Variants in ACVR2A observed in about 807,000 individuals in gnomAD.
The protein encoded by ACVR2A is activin A receptor type 2A, also known as activin receptor type-2A.
Under a neutral mutation model 61.4 loss-of-function variants are expected in ACVR2A, and 7 were observed. The observed-to-expected ratio is 0.11, with a 90% CI of 0.06 to 0.21. The LOEUF (loss-of-function observed/expected upper bound fraction) is 0.21. Among genes scored for constraint, ACVR2A ranks in the 10% least tolerant of loss-of-function variants. The probability of loss-of-function intolerance (pLI) is 1.00; values close to 1 mark genes in which losing one functional copy is unlikely to be tolerated. For synonymous variants in ACVR2A, 193 were observed against 208.3 expected (o/e 0.93, Z 0.63); for missense variants, 322 against 621.7 (o/e 0.52, Z 5.13).
In ACVR2A at chr2:147,896,292, A is replaced by T; in HGVS notation, c.56-9A>T. ...ATGTGGTTATATTATTGTTTTTATT[A>T]TCTTATAGGTGCTATACTTGGTAGA... On this transcript the variant is annotated splice_polypyrimidine_tract_variant and intron_variant, in intron 1 of 10. Transcript: ENST00000241416. 1 of 1,605,086 alleles carries T rather than the reference A, an allele frequency of 6.2e-7. No individual in the cohort carries two copies. The highest frequency in any genetic ancestry group is 8.5e-7 in the Non-Finnish European group (1 of 1,173,578).
intron 1 of ACVR2A, among the ~76,000 whole-genome samples, chr2:147,854,063 G>C (rs1685508331): frequency 6.6e-6 from 1 of 152,138 alleles, no homozygotes; most frequent in Admixed American, 6.5e-5. Flanking sequence ...GATATGGTAT[G>C]TAAAACATTA....
rs575237522 is a variant in ACVR2A, at chr2:147,913,822, CAAAAAAAAAAAA to C, written c.529-1351_529-1340del. Among the ~76,000 whole-genome samples the C allele has an allele frequency of 5.5e-4, 34 of 61,798 alleles. No homozygotes were observed. The South Asian group carries it at 9.0e-3, about 16-fold the overall frequency. The allele number at this position is 61,798 out of a possible 152,430, so 40.5% of individuals were successfully genotyped here. ...GTGGGAAGGACAAGCAACTTGTAGA[CAAAAAAAAAAAA>C]AAAAAAAAAAAAAAAAAGTCTGAGT... On this transcript the variant is annotated intron_variant, in intron 4 of 10. Transcript: ENST00000241416.
chr2:147,848,234 A>G (rs982960115), intron 1 of ACVR2A, among the ~76,000 whole-genome samples: 5 of 152,234 alleles, frequency 3.3e-5, no homozygotes, highest in Non-Finnish European at 7.3e-5. Context: ...AAATTCAAAT[A>G]TAATACATTG....
intron 1 of ACVR2A, among the ~76,000 whole-genome samples, chr2:147,854,249 G>C (rs1242832527): frequency 6.6e-6 from 1 of 152,102 alleles, no homozygotes; most frequent in Non-Finnish European, 1.5e-5. Context: ...CTTACAAAGA[G>C]TTCTTTAAGG....
intron 1 of ACVR2A, among the ~76,000 whole-genome samples, chr2:147,883,929 T>C (rs972379264): frequency 2.6e-5 from 4 of 152,166 alleles, no homozygotes; most frequent in Non-Finnish European, 1.5e-5. Context: ...GACAGATTGA[T>C]GTTTTATTAA....
At chr2:147,864,888 A>C (rs889168969) in intron 1 of ACVR2A, among the ~76,000 whole-genome samples, 1 of 152,212 alleles carries the variant, frequency 6.6e-6, no homozygotes, top group East Asian at 1.9e-4. Flanking sequence ...TAATTGTCTA[A>C]GAAAACAGTC....
intron 1 of ACVR2A, among the ~76,000 whole-genome samples, chr2:147,882,777 T>C (rs567320391): frequency 5.9e-5 from 9 of 151,968 alleles, no homozygotes; most frequent in African/African-American, 2.2e-4. Flanking sequence ...TTTGTCAGAC[T>C]GATAGTAAGT....
chr2:147,922,323 T>G (rs1687401680), intron 8 of ACVR2A, among the ~76,000 whole-genome samples: 1 of 152,096 alleles, frequency 6.6e-6, no homozygotes, highest in African/African-American at 2.4e-5. Flanking sequence ...TCTAGACTAC[T>G]CTCTAGTTCG....
At chr2:147,845,557 T>C (rs1236913137) in intron 1 of ACVR2A, among the ~76,000 whole-genome samples, 5 of 152,038 alleles carry the variant, frequency 3.3e-5, no homozygotes, top group African/African-American at 1.2e-4. Context: ...TATGCAAAGG[T>C]TGAGATCTGA....
intron 1 of ACVR2A, among the ~76,000 whole-genome samples, chr2:147,865,933 A>G (rs1685842452): frequency 6.6e-6 from 1 of 152,144 alleles, no homozygotes; most frequent in Non-Finnish European, 1.5e-5. Context: ...ATCTTGAAGG[A>G]TGGATGATTA....
At chr2:147,855,093 C>T (rs1182599382) in intron 1 of ACVR2A, among the ~76,000 whole-genome samples, 1 of 152,142 alleles carries the variant, frequency 6.6e-6, no homozygotes. Context: ...GTTGGGCAGG[C>T]TGGTCTCGAA....
At chr2:147,845,348 G>GCCCCCCCCCCCCC (rs557975990) in intron 1 of ACVR2A, 141 bp downstream of exon 1, 3 of 272,156 alleles carry the variant, frequency 1.1e-5, no homozygotes, top group South Asian at 5.1e-5. Flanking sequence ...GGCTGCCACC[G>GCCCCCCCCCCCCC]CCCCCCCCCC....
At chr2:147,897,311 C>A (rs1342151762) in intron 2 of ACVR2A, among the ~76,000 whole-genome samples, 2 of 152,026 alleles carry the variant, frequency 1.3e-5, no homozygotes, top group Non-Finnish European at 2.9e-5. Flanking sequence ...CCTGGTCTAC[C>A]CCAAGAGACA....
chr2:147,856,707 C>T (rs1029386426), intron 1 of ACVR2A, among the ~76,000 whole-genome samples: 14 of 151,902 alleles, frequency 9.2e-5, no homozygotes, highest in East Asian at 1.9e-4. Context: ...ATATACAAGA[C>T]GGATATGGTA....
chr2:147,887,127 G>T (rs541875206), intron 1 of ACVR2A, among the ~76,000 whole-genome samples: 1 of 151,806 alleles, frequency 6.6e-6, no homozygotes, highest in Non-Finnish European at 1.5e-5. Context: ...CAGGAGGATC[G>T]CTTGAGCCCA....
intron 4 of ACVR2A, among the ~76,000 whole-genome samples, chr2:147,908,888 TAAAAG>T (rs900626953): frequency 1.6e-4 from 24 of 152,196 alleles, no homozygotes; most frequent in Admixed American, 1.5e-3. Flanking sequence ...GAATAGTAAA[TAAAAG>T]AAATCTTATA....
intron 1 of ACVR2A, among the ~76,000 whole-genome samples, chr2:147,866,012 C>T (rs968618864): frequency 6.6e-6 from 1 of 152,066 alleles, no homozygotes; most frequent in Non-Finnish European, 1.5e-5. Flanking sequence ...GTGAGTTGCT[C>T]CCTGGTGGTG....
At chr2:147,846,858 G>C (rs1313846135) in intron 1 of ACVR2A, among the ~76,000 whole-genome samples, 1 of 152,078 alleles carries the variant, frequency 6.6e-6, no homozygotes, top group Non-Finnish European at 1.5e-5. Flanking sequence ...TCTTGCCCTT[G>C]AGGAGGAGGG....
chr2:147,846,168 A>G (rs1284824723), intron 1 of ACVR2A, among the ~76,000 whole-genome samples: 2 of 152,194 alleles, frequency 1.3e-5, no homozygotes, highest in Admixed American at 6.5e-5. Context: ...GCAGATGTAC[A>G]TAACAGGAGA....
Sources: gnomAD v4.1 joint callset for allele counts (sites outside exome capture counted in the v4.1 genomes callset) on GRCh38, gnomAD v4.1.1 for gene constraint, MANE v1.5 for transcripts, NCBI Gene and HGNC (gene_info 2026-07-23, HGNC 2026-07-21) for gene names.